OSBPL2: variants seen among roughly 807,000 people sequenced by gnomAD.
The protein encoded by OSBPL2 is oxysterol binding protein like 2.
Under a neutral mutation model 58.4 loss-of-function variants are expected in OSBPL2, and 18 were observed. The ratio of observed to expected loss-of-function variants is 0.31; its 90% CI spans 0.21 to 0.46. The LOEUF (loss-of-function observed/expected upper bound fraction) is 0.46. OSBPL2 is among the 20% of genes least tolerant of loss of function. The probability of loss-of-function intolerance (pLI) is 1.00; values close to 1 mark genes in which losing one functional copy is unlikely to be tolerated. For missense variants in OSBPL2, 461 were observed against 616.5 expected (o/e 0.75, Z 2.67); for synonymous variants, 221 against 234.1 (o/e 0.94, Z 0.51).
chr20:62,263,972 G>A (rs1981496078), intron 4 of OSBPL2, among the ~76,000 whole-genome samples: 1 of 151,380 alleles, frequency 6.6e-6, no homozygotes, highest in Admixed American at 6.6e-5. Context: ...GGCTGAGGCA[G>A]GAGAATGGCG....
chr20:62,282,417 ATTAC>A (rs1982853996), intron 9 of OSBPL2, among the ~76,000 whole-genome samples: 1 of 152,190 alleles, frequency 6.6e-6, no homozygotes, highest in Non-Finnish European at 1.5e-5. Context: ...ATTTGGGTTA[ATTAC>A]TTTGTAATCT....
At chr20:62,261,035 G>A (rs1017746905) in intron 3 of OSBPL2, among the ~76,000 whole-genome samples, 2 of 151,164 alleles carry the variant, frequency 1.3e-5, no homozygotes, top group Non-Finnish European at 3.0e-5. Flanking sequence ...ATAGAAGCAC[G>A]AGCCAGGCGC....
At chr20:62,259,602 A>G (rs1466813941) in intron 2 of OSBPL2, among the ~76,000 whole-genome samples, 1 of 152,232 alleles carries the variant, frequency 6.6e-6, no homozygotes, top group African/African-American at 2.4e-5. Flanking sequence ...CAACGGGCGC[A>G]TCGCAGCCTT....
At position 62,294,086 on chromosome 20, in the gene OSBPL2, A is replaced by G; in HGVS notation, c.*199A>G. ...TTTCACTCTGCTGTGCCGTCTCTTCATAAAGCTTCACTTGGGATCATCGTC... is the reference window on the plus strand; with the variant it reads ...TTTCACTCTGCTGTGCCGTCTCTTCGTAAAGCTTCACTTGGGATCATCGTC... On this transcript the variant is annotated 3_prime_UTR_variant, in exon 14 of 14. Transcript: ENST00000313733. The G allele has an allele frequency of 1.4e-6, 1 of 689,986 alleles. No individual in the cohort carries two copies. The highest frequency in any genetic ancestry group is 2.3e-6 in the Non-Finnish European group (1 of 435,428). 42.7% of individuals were successfully genotyped at this position (689,986 alleles called of 1,614,324 possible).
chr20:62,255,987 G>A (rs1253432625), intron 1 of OSBPL2, 70 bp from the exon 2 acceptor site: 1 of 537,330 alleles, frequency 1.9e-6, no homozygotes, highest in Non-Finnish European at 3.3e-6. Flanking sequence ...TGGTGAATGG[G>A]TATTTTTAAA....
At chr20:62,289,427 G>T in intron 12 of OSBPL2, 97 bp downstream of exon 12, 1 of 1,409,310 alleles carries the variant, frequency 7.1e-7, no homozygotes. Flanking sequence ...CCAGGCTCTC[G>T]CCTACAAGGG....
chr20:62,286,747 C>G (rs1019742035), intron 11 of OSBPL2, 36 bp downstream of exon 11: 5 of 1,588,420 alleles, frequency 3.1e-6, no homozygotes, highest in Non-Finnish European at 3.4e-6. Context: ...TCTCTGCCTG[C>G]TCATGTCACA....
chr20:62,247,412 T>G (rs1056987395), intron 1 of OSBPL2, among the ~76,000 whole-genome samples: 2 of 152,206 alleles, frequency 1.3e-5, no homozygotes, highest in Non-Finnish European at 2.9e-5. Context: ...TTATGATTGC[T>G]GCCCCCACGC....
intron 2 of OSBPL2, 61 bp downstream of exon 2, chr20:62,256,282 T>A (rs1980918587): frequency 1.3e-6 from 2 of 1,501,116 alleles, no homozygotes; most frequent in African/African-American, 2.7e-5. Context: ...TGGATTCAGA[T>A]GTTGGACCTG....
chr20:62,279,408 G>A, intron 7 of OSBPL2, 69 bp downstream of exon 7: 2 of 1,495,816 alleles, frequency 1.3e-6, no homozygotes, highest in South Asian at 1.2e-5. Context: ...GTGATGTGGA[G>A]GGAAAGCTTC....
intron 6 of OSBPL2, among the ~76,000 whole-genome samples, chr20:62,273,798 C>T (rs192263897): frequency 3.3e-5 from 5 of 152,238 alleles, no homozygotes; most frequent in South Asian, 4.1e-4. Flanking sequence ...ATTTAGTGAA[C>T]GCTATTGAAA....
chr20:62,268,872 A>G (rs992066954), intron 4 of OSBPL2, among the ~76,000 whole-genome samples: 6 of 152,140 alleles, frequency 3.9e-5, no homozygotes, highest in Non-Finnish European at 8.8e-5. Context: ...TCTGGTCAAC[A>G]TAGTGAAACC....
chr20:62,277,273 GAT>G (rs1982441283), intron 6 of OSBPL2, among the ~76,000 whole-genome samples: 1 of 152,192 alleles, frequency 6.6e-6, no homozygotes, highest in Non-Finnish European at 1.5e-5. Context: ...AAAAGAAAAA[GAT>G]AAATCAGAAG....
intron 4 of OSBPL2, among the ~76,000 whole-genome samples, chr20:62,268,989 G>A (rs560699802): frequency 6.7e-4 from 102 of 151,376 alleles, no homozygotes; most frequent in African/African-American, 2.5e-3. Flanking sequence ...CCCAGGAGGC[G>A]GAGAGGTTGC....
chr20:62,241,061 T>C (rs1979695446), intron 1 of OSBPL2, among the ~76,000 whole-genome samples: 1 of 152,206 alleles, frequency 6.6e-6, no homozygotes, highest in Non-Finnish European at 1.5e-5. Context: ...GACTCTGCTG[T>C]GTTCCACATG....
intron 1 of OSBPL2, among the ~76,000 whole-genome samples, chr20:62,249,190 G>A (rs1041748902): frequency 8.5e-5 from 13 of 152,232 alleles, no homozygotes; most frequent in East Asian, 1.9e-4. Context: ...CAGGGATGGC[G>A]TCCTTGGGGC....
chr20:62,264,066 A>C (rs1376547079), intron 4 of OSBPL2, among the ~76,000 whole-genome samples: 1 of 576 alleles, frequency 1.7e-3, no homozygotes, highest in Non-Finnish European at 0.023. Context: ...ATTCCATCTC[A>C]AAAAAAAAAA....
intron 5 of OSBPL2, 33 bp from the exon 6 acceptor site, chr20:62,273,276 G>A: frequency 6.4e-7 from 1 of 1,565,642 alleles, no homozygotes; most frequent in Non-Finnish European, 8.7e-7. Context: ...CCTAACTGAA[G>A]CTGTGCCTGT....
chr20:62,281,472 G>A, intron 8 of OSBPL2: 1 of 509,652 alleles, frequency 2.0e-6, no homozygotes, highest in South Asian at 2.6e-5. Flanking sequence ...CACTGTCTAG[G>A]CTTGAATGCC....
Sources: gnomAD v4.1 joint callset for allele counts (sites outside exome capture counted in the v4.1 genomes callset) on GRCh38, gnomAD v4.1.1 for gene constraint, MANE v1.5 for transcripts, NCBI Gene and HGNC (gene_info 2026-07-23, HGNC 2026-07-21) for gene names.